ZMYND8: variants seen among roughly 807,000 people sequenced by gnomAD.
The protein encoded by ZMYND8 is zinc finger MYND-type containing 8.
A neutral mutation model predicts 140.8 loss-of-function variants in ZMYND8; 37 were observed. That is an observed-to-expected ratio of 0.26 (90% CI 0.20 to 0.35). The LOEUF is 0.35. ZMYND8 is among the 10% of genes least tolerant of loss of function. The pLI is 1.00. For synonymous variants in ZMYND8, 592 were observed against 597.1 expected, an observed-to-expected ratio of 0.99 and a Z score of 0.12; for missense variants, 1,068 against 1,570.0, an observed-to-expected ratio of 0.68 and a Z score of 5.40.
chr20:47,225,718 A>C (rs1204115130), intron 18 of ZMYND8, among the ~76,000 whole-genome samples: 2 of 151,750 alleles, frequency 1.3e-5, no homozygotes, highest in Non-Finnish European at 2.9e-5. Flanking sequence ...CCTTTGAGTC[A>C]ATCTAACTAC....
intron 2 of ZMYND8, among the ~76,000 whole-genome samples, chr20:47,340,183 G>A (rs555148452): frequency 1.2e-4 from 19 of 152,048 alleles, no homozygotes; most frequent in Non-Finnish European, 1.9e-4. Flanking sequence ...CTCATGATCC[G>A]CCTCTCAAAG....
At chr20:47,220,419 GC>G in intron 20 of ZMYND8, 95 bp from the exon 21 acceptor site, 1 of 994,772 alleles carries the variant, frequency 1.0e-6, no homozygotes, top group Non-Finnish European at 1.5e-6. Context: ...GCTCATCGCT[GC>G]CCCCAAAGCA....
At chr20:47,255,609 T>TACAC (rs1555924113) in intron 12 of ZMYND8, among the ~76,000 whole-genome samples, 1,484 of 131,210 alleles carry the variant, frequency 0.011, 45 homozygotes, top group African/African-American at 0.04. Flanking sequence ...TATATATATA[T>TACAC]ACACACCATA....
chr20:47,217,374 G>A (rs1464034216), intron 21 of ZMYND8, among the ~76,000 whole-genome samples: 1 of 152,148 alleles, frequency 6.6e-6, no homozygotes, highest in African/African-American at 2.4e-5. Flanking sequence ...GGTTGCATAT[G>A]GTTGCAAAGC....
At chr20:47,353,340 T>C (rs2082952345) in intron 1 of ZMYND8, 2 of 152,252 alleles carry the variant, frequency 1.3e-5, no homozygotes, top group Admixed American at 1.3e-4. Flanking sequence ...CCCTAATTTA[T>C]AATCCAAGAG....
chr20:47,335,427 C>A (rs959608326), intron 2 of ZMYND8, among the ~76,000 whole-genome samples: 3 of 152,034 alleles, frequency 2.0e-5, no homozygotes, highest in African/African-American at 7.3e-5. Flanking sequence ...CCTCACCCCC[C>A]CACAGCCATG....
At position 47,351,166 on chromosome 20, in the gene ZMYND8, A is replaced by G. The variant is rs117627400; in HGVS notation, c.15-3240T>C. 5.8e-3 allele frequency among the ~76,000 whole-genome samples: 878 copies of G among 152,340 alleles called. 4 individuals are homozygous for G. Among genetic ancestry groups the G allele is most frequent in the Non-Finnish European group, 9.2e-3 (626 of 68,026 alleles). On this transcript the variant is annotated intron_variant, in intron 1 of 22. Coordinates refer to ENST00000471951, the MANE Select transcript of ZMYND8 (RefSeq NM_001281775.3). ...ACCTGCATGCACTGAAAAAAGAGCA[A>G]TTAAAAGTTGCAGATGAACTACTGC...
intron 11 of ZMYND8, among the ~76,000 whole-genome samples, chr20:47,270,033 C>T (rs554734213): frequency 7.2e-5 from 11 of 152,272 alleles, no homozygotes; most frequent in African/African-American, 2.2e-4. Flanking sequence ...CGTTTGAGCC[C>T]AAGAGTTTGA....
chr20:47,305,440 CAT>C (rs2078406750), intron 3 of ZMYND8, among the ~76,000 whole-genome samples: 1 of 151,778 alleles, frequency 6.6e-6, no homozygotes, highest in South Asian at 2.1e-4. Flanking sequence ...GAGGTTTCAC[CAT>C]GTTGCCCAGG....
intron 10 of ZMYND8, among the ~76,000 whole-genome samples, chr20:47,278,171 T>TG (rs1417919123): frequency 1.3e-5 from 2 of 152,094 alleles, no homozygotes; most frequent in Admixed American, 6.5e-5. Context: ...TTTGTAGAGA[T>TG]GGGGTCTCGC....
intron 4 of ZMYND8, among the ~76,000 whole-genome samples, chr20:47,295,935 T>G (rs1474321224): frequency 6.6e-6 from 1 of 152,086 alleles, no homozygotes; most frequent in African/African-American, 2.4e-5. Flanking sequence ...TAATTTGGAT[T>G]CTGTTTCCAT....
rs868386936 is a variant in ZMYND8, at chr20:47,249,841, G to A, written c.1622-402C>T. 2.6e-5 allele frequency among the ~76,000 whole-genome samples: 4 copies of A among 152,198 alleles called. No homozygotes were observed. The Middle Eastern group carries it at 0.014, about 518-fold the overall frequency. ...GGTCAAGGTGTACTTGTAACTTCAG[G>A]TCCAGATTGAAGAGGACTTGTATCC... On this transcript the variant is annotated intron_variant, in intron 12 of 22. Transcript: ENST00000471951.
intron 2 of ZMYND8, among the ~76,000 whole-genome samples, chr20:47,340,079 A>G (rs1048136495): frequency 1.9e-4 from 29 of 150,868 alleles, no homozygotes; most frequent in African/African-American, 7.2e-4. Context: ...AGTAGCTGAG[A>G]TTACAGGTGC....
At chr20:47,263,496 CT>C (rs1188533260) in intron 11 of ZMYND8, among the ~76,000 whole-genome samples, 6 of 152,246 alleles carry the variant, frequency 3.9e-5, no homozygotes, top group Admixed American at 2.0e-4. Context: ...TGTGTTGAAA[CT>C]CACATACCAC....
intron 11 of ZMYND8, among the ~76,000 whole-genome samples, chr20:47,275,559 T>C (rs865837119): frequency 3.6e-4 from 54 of 151,986 alleles, no homozygotes; most frequent in African/African-American, 1.2e-3. Context: ...GGGATCACAC[T>C]GGGAAGACAG....
At chr20:47,309,670 C>T (rs2078766798) in intron 3 of ZMYND8, among the ~76,000 whole-genome samples, 1 of 151,938 alleles carries the variant, frequency 6.6e-6, no homozygotes, top group Non-Finnish European at 1.5e-5. Flanking sequence ...TCAAGCCAAG[C>T]AACCGCTTCC....
At chr20:47,327,892 G>A (rs1458204392) in intron 2 of ZMYND8, among the ~76,000 whole-genome samples, 13 of 152,120 alleles carry the variant, frequency 8.5e-5, no homozygotes, top group African/African-American at 3.1e-4. Context: ...ACAGCTCACT[G>A]CAGCCTTGAC....
chr20:47,335,660 T>A (rs1336454993), intron 2 of ZMYND8, among the ~76,000 whole-genome samples: 1 of 152,212 alleles, frequency 6.6e-6, no homozygotes, highest in Non-Finnish European at 1.5e-5. Context: ...GATCACAGTC[T>A]TCTAGAATAA....
intron 1 of ZMYND8, chr20:47,350,016 T>A: frequency 6.8e-7 from 1 of 1,477,022 alleles, no homozygotes. Flanking sequence ...TGCAAACTAG[T>A]TATGTGGTGG....
Sources: allele counts gnomAD v4.1 joint callset (sites outside exome capture counted in the v4.1 genomes callset), GRCh38; gene constraint gnomAD v4.1.1; transcripts MANE v1.5; gene names NCBI Gene and HGNC (gene_info 2026-07-23, HGNC 2026-07-21).